SUGCT: variants seen among roughly 807,000 people sequenced by gnomAD.
SUGCT encodes succinyl-CoA:glutarate-CoA transferase.
Under a neutral mutation model 55.0 loss-of-function variants are expected in SUGCT, and 41 were observed. The observed-to-expected ratio is 0.74, with a 90% CI of 0.58 to 0.97. The LOEUF is 0.97. Among genes scored for constraint, SUGCT ranks in the 50% least tolerant of loss-of-function variants. The pLI is 0.00. For synonymous variants in SUGCT, 187 were observed against 200.4 expected, an observed-to-expected ratio of 0.93 and a Z score of 0.56; for missense variants, 568 against 547.8, an observed-to-expected ratio of 1.04 and a Z score of -0.37.
intron 1 of SUGCT, among the ~76,000 whole-genome samples, chr7:40,148,297 C>G (rs1409777912): frequency 6.6e-6 from 1 of 152,180 alleles, no homozygotes; most frequent in Non-Finnish European, 1.5e-5. Context: ...GAACTCCTAT[C>G]TAACACAGGC....
chr7:40,305,497 A>C (rs1245439218), intron 8 of SUGCT, among the ~76,000 whole-genome samples: 1 of 152,190 alleles, frequency 6.6e-6, no homozygotes, highest in Admixed American at 6.5e-5. Context: ...TCCAGAAGAC[A>C]AAATGACCCA....
intron 13 of SUGCT, among the ~76,000 whole-genome samples, chr7:40,845,282 G>T (rs1793498369): frequency 6.6e-6 from 1 of 152,160 alleles, no homozygotes; most frequent in South Asian, 2.1e-4. Context: ...TATGGGAAAA[G>T]GGGAAGGTCC....
intron 11 of SUGCT, among the ~76,000 whole-genome samples, chr7:40,475,864 A>T (rs1324322340): frequency 6.6e-6 from 1 of 152,092 alleles, no homozygotes; most frequent in Non-Finnish European, 1.5e-5. Flanking sequence ...CAAATAATTG[A>T]TCTATAAATA....
intron 12 of SUGCT, among the ~76,000 whole-genome samples, chr7:40,649,959 C>T (rs1800696290): frequency 6.6e-6 from 1 of 152,186 alleles, no homozygotes; most frequent in Non-Finnish European, 1.5e-5. Context: ...TGTCAGGAAC[C>T]TGAGCATGGC....
intron 9 of SUGCT, among the ~76,000 whole-genome samples, chr7:40,332,443 A>AT (rs57902207): frequency 0.01 from 1,417 of 139,344 alleles, 19 homozygotes; most frequent in African/African-American, 0.034. Flanking sequence ...TCTGCATTGG[A>AT]TTTTTTTTTT....
intron 13 of SUGCT, among the ~76,000 whole-genome samples, chr7:40,842,791 C>T (rs181885037): frequency 6.6e-6 from 1 of 152,264 alleles, no homozygotes; most frequent in East Asian, 1.9e-4. Flanking sequence ...TATTGCAGGG[C>T]CTCTTTCTTG....
chr7:40,985,576 G>A, the SUGCT span, among the ~76,000 whole-genome samples: 1 of 152,182 alleles, frequency 6.6e-6, no homozygotes, highest in Non-Finnish European at 1.5e-5. Flanking sequence ...AAGTGTGTTT[G>A]AAGGCTGAAG....
chr7:40,896,057 T>G, the SUGCT span, among the ~76,000 whole-genome samples: 1 of 152,142 alleles, frequency 6.6e-6, no homozygotes, highest in African/African-American at 2.4e-5. Context: ...AGAAGTAAAA[T>G]TGTTTGCAAG....
At chr7:40,414,260 T>G (rs1213502117) in intron 9 of SUGCT, among the ~76,000 whole-genome samples, 1 of 152,198 alleles carries the variant, frequency 6.6e-6, no homozygotes, top group Non-Finnish European at 1.5e-5. Context: ...TAGATTTAAA[T>G]TGCATGTTTC....
chr7:40,708,201 A>G (rs1214918558), intron 12 of SUGCT, among the ~76,000 whole-genome samples: 1 of 152,122 alleles, frequency 6.6e-6, no homozygotes, highest in Non-Finnish European at 1.5e-5. Context: ...AACATTGGGT[A>G]CCAGGACTGA....
In SUGCT at chr7:40,316,857, T is replaced by C. The variant is rs760833566; in HGVS notation, c.816+2T>C. The C allele has an allele frequency of 8.4e-6, 13 of 1,554,582 alleles. No homozygotes were observed. In the South Asian group the frequency reaches 1.4e-4, roughly 17 times the overall value. The stretch of plus-strand genomic sequence containing the variant: ...CATGGCAGTATCGTTCCTTACCAGG[T>C]AAGACTACAGCAGTCTAGGGTTGGG... On this transcript the variant is annotated splice_donor_variant, in intron 9 of 13. Coordinates refer to ENST00000335693, the MANE Select transcript of SUGCT (RefSeq NM_001193313.2). LOFTEE classifies it high-confidence loss of function.
rs1583705746 is a variant in SUGCT at position 40,449,348 on chromosome 7, C to T, written c.878C>T (p.Thr293Ile). 2 of 1,610,444 alleles carry T rather than the reference C, an allele frequency of 1.2e-6. No homozygotes were observed. Among genetic ancestry groups the T allele is most frequent in the African/African-American group, 2.7e-5 (2 of 74,960 alleles). Residue 293 changes from threonine to isoleucine, a missense_variant, in exon 10 of 14, where the codon ACC becomes ATC. Thr to Ile is a moderately conservative substitution (Grantham distance 89). Coordinates refer to ENST00000335693, the MANE Select transcript of SUGCT (RefSeq NM_001193313.2). ...VGAGNNQQFATVCKILDLPEL... is the reference protein window; with the variant it reads ...VGAGNNQQFAIVCKILDLPEL... ...GCAGGAAATAACCAGCAGTTTGCCA[C>T]CGTCTGCAAGGTAATCTATAATTAT...
intron 8 of SUGCT, among the ~76,000 whole-genome samples, chr7:40,290,656 G>A (rs1793680686): frequency 2.0e-5 from 3 of 152,068 alleles, no homozygotes; most frequent in Non-Finnish European, 4.4e-5. Flanking sequence ...TTGACAAATG[G>A]GATCTAATTA....
chr7:40,752,334 T>G (rs375421662), intron 13 of SUGCT, among the ~76,000 whole-genome samples: 1 of 152,162 alleles, frequency 6.6e-6, no homozygotes, highest in Non-Finnish European at 1.5e-5. Context: ...CTGCATCTTA[T>G]TAGTCCAAGC....
At chr7:40,772,528 A>G (rs1789180854) in intron 13 of SUGCT, among the ~76,000 whole-genome samples, 1 of 151,134 alleles carries the variant, frequency 6.6e-6, no homozygotes, top group South Asian at 2.1e-4. Context: ...CTATCTATCT[A>G]TCTATCTATC....
chr7:40,357,542 C>T (rs151021034), intron 9 of SUGCT, among the ~76,000 whole-genome samples: 1 of 152,182 alleles, frequency 6.6e-6, no homozygotes, highest in East Asian at 1.9e-4. Context: ...CATGAGAATG[C>T]GACATGTGGT....
the SUGCT span, among the ~76,000 whole-genome samples, chr7:40,973,788 T>A: frequency 6.7e-6 from 1 of 149,606 alleles, no homozygotes; most frequent in Non-Finnish European, 1.5e-5. Flanking sequence ...CAAAATCATT[T>A]CTAATAGCCC....
chr7:40,896,619 A>G, the SUGCT span, among the ~76,000 whole-genome samples: 1 of 152,104 alleles, frequency 6.6e-6, no homozygotes, highest in South Asian at 2.1e-4. Context: ...TGTTGCCACT[A>G]TGTGAAGAAG....
chr7:40,522,932 CA>C (rs1384929615), intron 12 of SUGCT, among the ~76,000 whole-genome samples: 2 of 151,942 alleles, frequency 1.3e-5, no homozygotes, highest in African/African-American at 4.8e-5. Context: ...CAGTCTGTTA[CA>C]AAAAATACAT....
Sources: gnomAD v4.1 joint callset for allele counts (sites outside exome capture counted in the v4.1 genomes callset) on GRCh38, gnomAD v4.1.1 for gene constraint, MANE v1.5 for transcripts, NCBI Gene and HGNC (gene_info 2026-07-23, HGNC 2026-07-21) for gene names.